The following PDE4A variants were observed in gnomAD, a reference collection of about 807,000 sequenced individuals.
PDE4A encodes the protein phosphodiesterase 4A, also known as 3',5'-cyclic-AMP phosphodiesterase 4A.
PDE4A carries 21 observed loss-of-function variants against 73.9 expected under a neutral mutation model. That is an observed-to-expected ratio of 0.28 (90% CI 0.20 to 0.41). The LOEUF (loss-of-function observed/expected upper bound fraction) is 0.41. PDE4A is among the 10% of genes least tolerant of loss of function. The pLI is 1.00. For synonymous variants in PDE4A, 463 were observed against 505.4 expected (o/e 0.92, Z 1.13); for missense variants, 958 against 1,211.4 (o/e 0.79, Z 3.10).
chr19:10,448,495 G>A (rs1490525554), intron 2 of PDE4A, among the ~76,000 whole-genome samples: 1 of 151,702 alleles, frequency 6.6e-6, no homozygotes, highest in East Asian at 2.0e-4. Context: ...AAATTAGTGG[G>A]GCGAGAGGCA....
intron 10 of PDE4A, among the ~76,000 whole-genome samples, chr19:10,459,982 G>T (rs917733411): frequency 1.3e-5 from 2 of 152,060 alleles, no homozygotes; most frequent in African/African-American, 4.8e-5. Context: ...CCGGGTTCAA[G>T]TGATTCTCCT....
At chr19:10,438,821 G>A (rs1212005142) in intron 1 of PDE4A, among the ~76,000 whole-genome samples, 1 of 151,920 alleles carries the variant, frequency 6.6e-6, no homozygotes, top group Non-Finnish European at 1.5e-5. Flanking sequence ...GGTCAGGCTG[G>A]TCTCGAACTC....
At chr19:10,447,202 A>C (rs1599431022) in intron 2 of PDE4A, among the ~76,000 whole-genome samples, 1 of 117,544 alleles carries the variant, frequency 8.5e-6, no homozygotes, top group African/African-American at 3.2e-5. Context: ...GCCTGGCCTC[A>C]GTTCCTTTTT....
chr19:10,448,394 T>C (rs1031061644), intron 2 of PDE4A, among the ~76,000 whole-genome samples: 1 of 152,016 alleles, frequency 6.6e-6, no homozygotes, highest in Non-Finnish European at 1.5e-5. Flanking sequence ...CCCAGCACTT[T>C]GAGAGGCCAA....
At chr19:10,460,880 C>A in intron 10 of PDE4A, 124 bp from the exon 11 acceptor site, 1 of 996,122 alleles carries the variant, frequency 1.0e-6, no homozygotes. Context: ...GAACTTCTGG[C>A]CTTGAAGTCC....
intron 2 of PDE4A, among the ~76,000 whole-genome samples, chr19:10,448,300 A>G (rs1185712755): frequency 6.6e-6 from 1 of 151,556 alleles, no homozygotes; most frequent in African/African-American, 2.4e-5. Context: ...AGGTTTCACC[A>G]TGCTGGCCAG....
At chr19:10,430,170 CCTGGG>C (rs1190256605) in intron 1 of PDE4A, among the ~76,000 whole-genome samples, 1 of 151,856 alleles carries the variant, frequency 6.6e-6, no homozygotes, top group Non-Finnish European at 1.5e-5. Context: ...AAGGGTTTTC[CCTGGG>C]CTCTCAGAGC....
At chr19:10,451,954 A>AG (rs1340113401) in intron 6 of PDE4A, among the ~76,000 whole-genome samples, 2 of 150,866 alleles carry the variant, frequency 1.3e-5, no homozygotes, top group Admixed American at 1.3e-4. Context: ...TGTGTCCCTG[A>AG]GGGTGGATCA....
chr19:10,464,342 C>T (rs2043328404), intron 14 of PDE4A: 9 of 455,080 alleles, frequency 2.0e-5, no homozygotes, highest in Admixed American at 4.7e-5. Flanking sequence ...GTGATCTACC[C>T]GCCTTGGCCT....
chr19:10,439,982 C>CTTTTTTTTTTTTTTTTTT (rs1162121051), intron 1 of PDE4A, among the ~76,000 whole-genome samples: 1 of 114,044 alleles, frequency 8.8e-6, no homozygotes, highest in African/African-American at 3.6e-5. Context: ...ATGGTATCTC[C>CTTTTTTTTTTTTTTTTTT]TTTTTTTTTT....
In PDE4A at chr19:10,453,173, C is replaced by T. The variant is rs2043119918; in HGVS notation, c.784-1656C>T. On this transcript the variant is annotated intron_variant, in intron 6 of 14. Coordinates refer to ENST00000380702, the MANE Select transcript of PDE4A (RefSeq NM_001111307.2). The surrounding 1 kb of genome is among the most constrained non-coding windows in gnomAD (Gnocchi z 4.6). ...GGCTCCCCCTTCCACTACCCACCTG[C>T]CCGGCACCCCCTCCCCAGTGGTTGT... 4 of 1,475,106 alleles carry T rather than the reference C, an allele frequency of 2.7e-6. No individual in the cohort carries two copies. Among genetic ancestry groups the T allele is most frequent in the Non-Finnish European group, 3.6e-6 (4 of 1,109,596 alleles). 91.4% of individuals were successfully genotyped at this position (1,475,106 alleles called of 1,614,324 possible).
intron 1 of PDE4A, among the ~76,000 whole-genome samples, chr19:10,444,216 A>G (rs1002801322): frequency 2.0e-5 from 3 of 151,788 alleles, no homozygotes; most frequent in African/African-American, 7.3e-5. Flanking sequence ...CCCCATCTCT[A>G]CTAAAAATAC....
chr19:10,438,763 C>T (rs1028679163), intron 1 of PDE4A, among the ~76,000 whole-genome samples: 5 of 152,056 alleles, frequency 3.3e-5, no homozygotes, highest in Admixed American at 6.6e-5. Context: ...TGTGCCACCA[C>T]GCCCGGCTAA....
chr19:10,432,339 G>T (rs1308500551), intron 1 of PDE4A: 1 of 1,277,366 alleles, frequency 7.8e-7, no homozygotes, highest in African/African-American at 1.6e-5. Flanking sequence ...GGTGCCGGCA[G>T]TGGAGGCCGC....
chr19:10,454,675 C>G (rs758841282), intron 6 of PDE4A, 154 bp from the exon 7 acceptor site: 77 of 899,762 alleles, frequency 8.6e-5, no homozygotes, highest in Admixed American at 5.0e-4. Context: ...AAAGGCTGAC[C>G]CCAACCCCCC....
In PDE4A at chr19:10,467,641, G is replaced by C; in HGVS notation, c.*20G>C. 6.6e-7 allele frequency: 1 copy of C among 1,519,562 alleles called. No homozygotes were observed. The highest frequency in any genetic ancestry group is 8.8e-7 in the Non-Finnish European group (1 of 1,130,958). 94.1% of individuals were successfully genotyped at this position (1,519,562 alleles called of 1,614,324 possible). On this transcript the variant is annotated 3_prime_UTR_variant, in exon 15 of 15. Transcript: ENST00000380702. ...ACCTGATCCCCAGACCTCTGTCCCT[G>C]TTCCCCTCCACTCCTCCCCTCACTC...
At chr19:10,459,883 T>TC in intron 10 of PDE4A, 124 bp downstream of exon 10, 1 of 961,528 alleles carries the variant, frequency 1.0e-6, no homozygotes, top group East Asian at 3.0e-5. Flanking sequence ...TTTCTCTCTC[T>TC]TTTTTTTTTC....
At chr19:10,431,017 C>A in intron 1 of PDE4A, 3 of 1,579,016 alleles carry the variant, frequency 1.9e-6, no homozygotes, top group Non-Finnish European at 2.6e-6. Flanking sequence ...CCGTCCCCAA[C>A]TTTCCGCAGA....
chr19:10,448,518 C>T (rs1396951051), intron 2 of PDE4A, among the ~76,000 whole-genome samples: 1 of 151,586 alleles, frequency 6.6e-6, no homozygotes, highest in Non-Finnish European at 1.5e-5. Context: ...TGCCTGTAAT[C>T]CCAGCTTCTT....
Sources: gnomAD v4.1 joint callset for allele counts (sites outside exome capture counted in the v4.1 genomes callset) on GRCh38, gnomAD v4.1.1 for gene constraint, Gnocchi (gnomAD v3.1) non-coding constraint, MANE v1.5 for transcripts, NCBI Gene and HGNC (gene_info 2026-07-23, HGNC 2026-07-21) for gene names.